The following PCDHGB3 variants were observed in gnomAD, a reference collection of about 807,000 sequenced individuals.
PCDHGB3 encodes protocadherin gamma subfamily B, 3.
In PCDHGB3, 40 loss-of-function variants were observed where a neutral mutation model predicts 59.2. The ratio of observed to expected loss-of-function variants is 0.68; its 90% CI spans 0.52 to 0.88. PCDHGB3 has a LOEUF of 0.88. Ranked by LOEUF, PCDHGB3 falls within the 40% of genes least tolerant of loss-of-function variation. The probability of loss-of-function intolerance (pLI) is 0.00; values close to 1 mark genes in which losing one functional copy is unlikely to be tolerated. For missense variants in PCDHGB3, 1,309 were observed against 1,187.9 expected, an observed-to-expected ratio of 1.10 and a Z score of -1.50; for synonymous variants, 581 against 503.6, an observed-to-expected ratio of 1.15 and a Z score of -2.06.
chr5:141,387,144 G>C (rs2090840258), intron 1 of PCDHGB3, among the ~76,000 whole-genome samples: 1 of 152,168 alleles, frequency 6.6e-6, no homozygotes, highest in Admixed American at 6.5e-5. Context: ...ATTGGGAAGG[G>C]GGTGTATTTG....
intron 2 of PCDHGB3, among the ~76,000 whole-genome samples, chr5:141,500,806 T>C (rs2099802700): frequency 6.6e-6 from 1 of 152,240 alleles, no homozygotes; most frequent in Non-Finnish European, 1.5e-5. Context: ...AGTCCTCATA[T>C]GAATATACAT....
chr5:141,433,204 C>CT, intron 1 of PCDHGB3: 2 of 1,566,944 alleles, frequency 1.3e-6, no homozygotes, highest in Admixed American at 2.0e-5. Flanking sequence ...ATCAAATCTT[C>CT]TTTCTTTTTT....
rs200411745 is a variant in PCDHGB3, at chr5:141,490,281, C to T, written c.2416-4526C>T. The T allele has an allele frequency of 1.2e-6, 2 of 1,614,070 alleles. No homozygotes were observed. The highest frequency in any genetic ancestry group is 1.3e-5 in the African/African-American group (1 of 74,924). On this transcript the variant is annotated intron_variant, in intron 1 of 3. Transcript: ENST00000576222. This position sits in a 1 kb window ranked among gnomAD's most constrained non-coding sequence, Gnocchi z 5.4. The stretch of plus-strand genomic sequence containing the variant: ...ATGTGGGGGATGTCAATGACAATGC[C>T]CCAGAGGTGCTATTGGCCTCTTTGG...
chr5:141,400,513 C>A, intron 1 of PCDHGB3: 1 of 1,613,994 alleles, frequency 6.2e-7, no homozygotes, highest in Non-Finnish European at 8.5e-7. Context: ...GTCGACTTCC[C>A]ATCCTGAGTT....
At chr5:141,398,362 G>T (rs1422597239) in intron 1 of PCDHGB3, 5 of 1,413,346 alleles carry the variant, frequency 3.5e-6, no homozygotes, top group Admixed American at 1.9e-5. Context: ...CACCGTGAGC[G>T]CAGAGAGCGG....
At position 141,389,707 on chromosome 5, in the gene PCDHGB3, A is replaced by G; in HGVS notation, c.2415+16898A>G. 1 of 1,612,620 alleles carries G rather than the reference A, an allele frequency of 6.2e-7. No homozygotes were observed. Among genetic ancestry groups the G allele is most frequent in the African/African-American group, 1.3e-5 (1 of 75,046 alleles). The stretch of plus-strand genomic sequence containing the variant: ...GCCTGGCTGTCCTACCACGTGCTGC[A>G]GGCTAGCGAGCCCGGGCTCTTCAGC... On this transcript the variant is annotated intron_variant, in intron 1 of 3. Coordinates refer to ENST00000576222, the MANE Select transcript of PCDHGB3 (RefSeq NM_018924.5).
chr5:141,449,569 A>G (rs1340921687), intron 1 of PCDHGB3, among the ~76,000 whole-genome samples: 2 of 148,390 alleles, frequency 1.3e-5, no homozygotes, highest in East Asian at 3.9e-4. Flanking sequence ...AGCCTGGGCG[A>G]CAGAGCAAGA....
At chr5:141,375,802 T>G (rs754541889) in intron 1 of PCDHGB3, 15 of 1,614,072 alleles carry the variant, frequency 9.3e-6, no homozygotes, top group East Asian at 2.2e-5. Flanking sequence ...ACGGTTCCAC[T>G]GGCGTGGAGC....
intron 1 of PCDHGB3, among the ~76,000 whole-genome samples, chr5:141,474,672 T>C (rs1203448521): frequency 2.0e-5 from 3 of 152,228 alleles, no homozygotes; most frequent in Non-Finnish European, 4.4e-5. Flanking sequence ...ACCTAACCTA[T>C]GTGCCTACCC....
At chr5:141,390,390 A>G (rs2092135147) in intron 1 of PCDHGB3, 4 of 1,406,748 alleles carry the variant, frequency 2.8e-6, no homozygotes, top group Middle Eastern at 3.7e-4. Flanking sequence ...GATGTCATGG[A>G]TCATTTTAGG....
rs1304750292 is a variant in PCDHGB3 at position 141,383,376 on chromosome 5, T to A, written c.2415+10567T>A. 7 of 1,613,980 alleles carry A rather than the reference T, an allele frequency of 4.3e-6. No homozygotes were observed. Among genetic ancestry groups the A allele is most frequent in the Non-Finnish European group, 5.1e-6 (6 of 1,179,894 alleles). ...GGTTTCCGTTAAGCGAGGCTGGGGA[T>A]CCAGATGTGGGCACGAACTCCCTCC... is the stretch of plus-strand genomic sequence containing the variant. On this transcript the variant is annotated intron_variant, in intron 1 of 3. Coordinates refer to ENST00000576222, the MANE Select transcript of PCDHGB3 (RefSeq NM_018924.5).
At position 141,449,274 on chromosome 5, in the gene PCDHGB3, T is replaced by C. The variant is rs569352843; in HGVS notation, c.2416-45533T>C. 3.9e-5 allele frequency among the ~76,000 whole-genome samples: 6 copies of C among 152,260 alleles called. No individual in the cohort carries two copies. In the East Asian group the frequency reaches 1.2e-3, roughly 29 times the overall value. On this transcript the variant is annotated intron_variant, in intron 1 of 3. Transcript: ENST00000576222. ...GAATTGTACAAAGAACTGTATCTCC[T>C]TCACCCGGATGCACCGGGTGAATTA...
rs2097403311 is a variant in PCDHGB3 at position 141,431,640 on chromosome 5, T to C, written c.2415+58831T>C. 6.2e-7 allele frequency: 1 copy of C among 1,614,094 alleles called. No individual in the cohort carries two copies. The highest frequency in any genetic ancestry group is 8.5e-7 in the Non-Finnish European group (1 of 1,180,040). On this transcript the variant is annotated intron_variant, in intron 1 of 3. Coordinates refer to ENST00000576222, the MANE Select transcript of PCDHGB3 (RefSeq NM_018924.5). This position sits in a 1 kb window ranked among gnomAD's most constrained non-coding sequence, Gnocchi z 4.8. ...GACAAGGCGGCCCAAGTTTTCAAACTAGATTGTAATTCAGGGACAATATCA... is the reference window on the plus strand; with the variant it reads ...GACAAGGCGGCCCAAGTTTTCAAACCAGATTGTAATTCAGGGACAATATCA...
intron 1 of PCDHGB3, chr5:141,374,792 G>A (rs1588751016): frequency 6.2e-7 from 1 of 1,613,898 alleles, no homozygotes; most frequent in Non-Finnish European, 8.5e-7. Context: ...AGATGTGAAT[G>A]ACAACACTCC....
Position 141,422,144 on chromosome 5 carries a change from G to A in PCDHGB3, c.2415+49335G>A, listed in dbSNP as rs748208921. On this transcript the variant is annotated intron_variant, in intron 1 of 3. Transcript: ENST00000576222. Reference sequence around the variant, plus strand: ...CAAACTGGAGAAGTTCAAGTACGGGGGTCTCTGGATTTTGAAAAATATAGA... The same window carrying A: ...CAAACTGGAGAAGTTCAAGTACGGGAGTCTCTGGATTTTGAAAAATATAGA... 1.9e-6 allele frequency: 3 copies of A among 1,583,402 alleles called. No individual in the cohort carries two copies. In the African/African-American group the frequency reaches 4.1e-5, roughly 22 times the overall value.
At chr5:141,460,983 G>GTGTA (rs1554142949) in intron 1 of PCDHGB3, among the ~76,000 whole-genome samples, 1,579 of 137,794 alleles carry the variant, frequency 0.011, 39 homozygotes, top group African/African-American at 0.038. Context: ...GTGTGTGTGT[G>GTGTA]TATATATATA....
intron 1 of PCDHGB3, among the ~76,000 whole-genome samples, chr5:141,473,267 C>G (rs1458810488): frequency 1.3e-5 from 2 of 152,248 alleles, no homozygotes; most frequent in African/African-American, 2.4e-5. Flanking sequence ...TTAGTGTATG[C>G]TATGATTATT....
intron 1 of PCDHGB3, chr5:141,398,838 T>C: frequency 6.2e-7 from 1 of 1,613,946 alleles, no homozygotes; most frequent in Non-Finnish European, 8.5e-7. Context: ...ACGCCAATGA[T>C]AATCCCCCGG....
At chr5:141,488,866 G>A (rs957501628) in intron 1 of PCDHGB3, among the ~76,000 whole-genome samples, 1 of 152,148 alleles carries the variant, frequency 6.6e-6, no homozygotes, top group African/African-American at 2.4e-5. Flanking sequence ...GAAGTGAGTG[G>A]GGAGGTAGGA....
Sources: gnomAD v4.1 joint callset for allele counts (sites outside exome capture counted in the v4.1 genomes callset) on GRCh38, gnomAD v4.1.1 for gene constraint, Gnocchi (gnomAD v3.1) non-coding constraint, MANE v1.5 for transcripts, NCBI Gene and HGNC (gene_info 2026-07-23, HGNC 2026-07-21) for gene names.